The following ZMPSTE24 variants were observed in gnomAD, a reference collection of about 807,000 sequenced individuals.
ZMPSTE24 encodes the protein zinc metallopeptidase STE24.
A neutral mutation model predicts 56.7 loss-of-function variants in ZMPSTE24; 48 were observed. That is an observed-to-expected ratio of 0.85 (90% CI 0.67 to 1.08). The LOEUF (loss-of-function observed/expected upper bound fraction) is 1.08, where lower values mean the gene tolerates loss of function less well. ZMPSTE24 is among the 50% of genes least tolerant of loss of function. ZMPSTE24 has a pLI of 0.00. For synonymous variants in ZMPSTE24, 172 were observed against 195.2 expected, an observed-to-expected ratio of 0.88 and a Z score of 0.99; for missense variants, 503 against 548.7, an observed-to-expected ratio of 0.92 and a Z score of 0.83.
At chr1:40,264,530 TC>T (rs1412588949) in intron 2 of ZMPSTE24, among the ~76,000 whole-genome samples, 1 of 152,092 alleles carries the variant, frequency 6.6e-6, no homozygotes, top group Non-Finnish European at 1.5e-5. Context: ...TTCAGTTGCC[TC>T]ATCTATTAAA....
intron 8 of ZMPSTE24, among the ~76,000 whole-genome samples, chr1:40,289,818 A>T (rs1236906131): frequency 6.6e-6 from 1 of 152,146 alleles, no homozygotes; most frequent in African/African-American, 2.4e-5. Flanking sequence ...GTACAGCTCC[A>T]GTGGGCCTAG....
chr1:40,281,588 TC>T, intron 7 of ZMPSTE24, 61 bp downstream of exon 7: 1 of 1,524,116 alleles, frequency 6.6e-7, no homozygotes, highest in Non-Finnish European at 9.0e-7. Flanking sequence ...CTGTGACAAC[TC>T]AAAATAACAT....
chr1:40,267,390 G>A (rs1378141924), intron 2 of ZMPSTE24, among the ~76,000 whole-genome samples: 1 of 134,024 alleles, frequency 7.5e-6, no homozygotes, highest in Non-Finnish European at 1.6e-5. Flanking sequence ...ATTTGAGACA[G>A]GGTCTCAGTT....
intron 8 of ZMPSTE24, 170 bp from the exon 9 acceptor site, chr1:40,290,684 A>C: frequency 1.7e-6 from 1 of 599,576 alleles, no homozygotes; most frequent in Admixed American, 3.0e-5. Flanking sequence ...GGATGGTCTC[A>C]ATCTCCTGAC....
Position 40,260,994 on chromosome 1 carries a change from T to C in ZMPSTE24, c.270+9T>C. ...CAGAGACTGAAGGCACTGTGAGTAA[T>C]TTACTTCTTGGAGAGACAGTCTGTC... On this transcript the variant is annotated intron_variant, in intron 2 of 9. Coordinates refer to ENST00000372759, the MANE Select transcript of ZMPSTE24 (RefSeq NM_005857.5). 9 of 1,614,054 alleles carry C rather than the reference T, an allele frequency of 5.6e-6. No individual in the cohort carries two copies. Among genetic ancestry groups the C allele is most frequent in the Non-Finnish European group, 6.8e-6 (8 of 1,179,974 alleles).
intron 6 of ZMPSTE24, among the ~76,000 whole-genome samples, chr1:40,273,080 C>T (rs568983366): frequency 1.4e-4 from 21 of 152,134 alleles, no homozygotes; most frequent in African/African-American, 3.6e-4. Flanking sequence ...TTTGCTGATC[C>T]CTGCTCTAAA....
At chr1:40,258,419 G>A (rs1174222368) in intron 1 of ZMPSTE24, 25 bp downstream of exon 1, 3 of 1,613,776 alleles carry the variant, frequency 1.9e-6, no homozygotes, top group Non-Finnish European at 1.7e-6. Flanking sequence ...GGTCCAACCT[G>A]ACCCCCATAC....
Position 40,270,075 on chromosome 1 carries a change from G to T in ZMPSTE24, c.575G>T (p.Gly192Val), listed in dbSNP as rs1397367038. 1 of 1,613,662 alleles carries T rather than the reference G, an allele frequency of 6.2e-7. No homozygotes were observed. The highest frequency in any genetic ancestry group is 8.5e-7 in the Non-Finnish European group (1 of 1,179,912). ...SSLLLYIIKI[G>V]GDYFFIYAWL... is the part of the protein sequence containing the mutation. Reference sequence around the variant, plus strand: ...CTTCTACTTTACATTATTAAAATTGGGGGTGACTATTTTTTTATTTATGCC... The same window carrying T: ...CTTCTACTTTACATTATTAAAATTGTGGGTGACTATTTTTTTATTTATGCC... Residue 192 changes from glycine to valine, a missense_variant, in exon 5 of 10, where the codon GGG (glycine) becomes GTG (valine). Transcript: ENST00000372759.
At chr1:40,271,584 A>G (rs181476562) in intron 5 of ZMPSTE24, among the ~76,000 whole-genome samples, 1 of 152,200 alleles carries the variant, frequency 6.6e-6, no homozygotes, top group Non-Finnish European at 1.5e-5. Flanking sequence ...AGAAATCCCC[A>G]AGATAGTTTT....
chr1:40,273,340 A>G (rs1196011739), intron 6 of ZMPSTE24, among the ~76,000 whole-genome samples: 1 of 151,564 alleles, frequency 6.6e-6, no homozygotes, highest in Admixed American at 6.6e-5. Flanking sequence ...CAACATGGTG[A>G]AACCCTGTCT....
At chr1:40,281,807 G>GTA (rs146054642) in intron 7 of ZMPSTE24, among the ~76,000 whole-genome samples, 30 of 151,132 alleles carry the variant, frequency 2.0e-4, no homozygotes, top group Admixed American at 1.2e-3. Context: ...GAACTTGTGT[G>GTA]TATATATATA....
At chr1:40,276,304 A>G (rs1260900594) in intron 6 of ZMPSTE24, among the ~76,000 whole-genome samples, 4 of 152,180 alleles carry the variant, frequency 2.6e-5, no homozygotes, top group Non-Finnish European at 5.9e-5. Flanking sequence ...TATCTGGCAC[A>G]TAGATGGTGT....
At position 40,281,535 on chromosome 1, in the gene ZMPSTE24, A is replaced by G. The variant is rs756225131; in HGVS notation, c.954+8A>G. 7.4e-6 allele frequency: 12 copies of G among 1,613,132 alleles called. 1 individual carries two copies. The South Asian group carries it at 1.3e-4, about 18-fold the overall frequency. Reference sequence around the variant, plus strand: ...ATAAAAGCTAAAGTTAAAGTGAGTTATTTTTTCCTAAGAGATTCTACCTTA... The same window carrying G: ...ATAAAAGCTAAAGTTAAAGTGAGTTGTTTTTTCCTAAGAGATTCTACCTTA... On this transcript the variant is annotated splice_region_variant and intron_variant, in intron 7 of 9. Transcript: ENST00000372759.
rs1459325412 is a variant in ZMPSTE24, at chr1:40,288,032, G to T, written c.1059+2003G>T. 2.0e-5 allele frequency among the ~76,000 whole-genome samples: 3 copies of T among 152,116 alleles called. No individual in the cohort carries two copies. The East Asian group carries it at 5.8e-4, about 30-fold the overall frequency. On this transcript the variant is annotated intron_variant, in intron 8 of 9. Coordinates refer to ENST00000372759, the MANE Select transcript of ZMPSTE24 (RefSeq NM_005857.5). ...TTCTCTCCAAAAGGTTAAAAAATTA[G>T]CTGGGCTTGGTGGTATGCACCTGTA...
chr1:40,278,495 T>C (rs901599107), intron 6 of ZMPSTE24, among the ~76,000 whole-genome samples: 1 of 134,144 alleles, frequency 7.5e-6, no homozygotes, highest in Non-Finnish European at 1.5e-5. Context: ...GAGGCGGAGC[T>C]TGCAGTGAGC....
chr1:40,258,613 C>T (rs561611154), intron 1 of ZMPSTE24, among the ~76,000 whole-genome samples: 3 of 152,244 alleles, frequency 2.0e-5, no homozygotes, highest in South Asian at 2.1e-4. Flanking sequence ...GGGACCCAAT[C>T]CCTTTAGGGC....
chr1:40,284,624 C>T (rs755913404), intron 7 of ZMPSTE24, among the ~76,000 whole-genome samples: 2 of 151,932 alleles, frequency 1.3e-5, no homozygotes, highest in African/African-American at 2.4e-5. Context: ...TGGTGGCATG[C>T]GCCTGTAATC....
Position 40,258,395 on chromosome 1 carries a change from G to C in ZMPSTE24, c.123+1G>C. 1 of 1,614,038 alleles carries C rather than the reference G, an allele frequency of 6.2e-7. No individual in the cohort carries two copies. The highest frequency in any genetic ancestry group is 8.5e-7 in the Non-Finnish European group (1 of 1,180,022). ...GGAGACCTTCCTAGCACAGCGGCAG[G>C]TGAGCCTAGACAGGGTCCAACCTGA... is the stretch of plus-strand genomic sequence containing the variant. On this transcript the variant is annotated splice_donor_variant, in intron 1 of 9. Transcript: ENST00000372759. LOFTEE classifies it high-confidence loss of function.
Position 40,293,312 on chromosome 1 carries a change from A to T in ZMPSTE24, c.*643A>T, listed in dbSNP as rs1643861558. 6.6e-6 allele frequency: 1 copy of T among 152,228 alleles called. No homozygotes were observed. The highest frequency in any genetic ancestry group is 1.5e-5 in the Non-Finnish European group (1 of 68,034). The allele number at this position is 152,228 out of a possible 1,614,324, so 9.4% of individuals were successfully genotyped here. On this transcript the variant is annotated 3_prime_UTR_variant, in exon 10 of 10. Coordinates refer to ENST00000372759, the MANE Select transcript of ZMPSTE24 (RefSeq NM_005857.5). ...TAGAAATTATGTATAGGATATTTTAAATCATTGAGTTTTGTGGGGTTTTTT... is the reference window on the plus strand; with the variant it reads ...TAGAAATTATGTATAGGATATTTTATATCATTGAGTTTTGTGGGGTTTTTT...
Sources: gnomAD v4.1 joint callset for allele counts (sites outside exome capture counted in the v4.1 genomes callset) on GRCh38, gnomAD v4.1.1 for gene constraint, MANE v1.5 for transcripts, NCBI Gene and HGNC (gene_info 2026-07-23, HGNC 2026-07-21) for gene names.